Variants in CDON observed in about 807,000 individuals in gnomAD.
CDON encodes cell adhesion molecule-related/down-regulated by oncogenes.
In CDON, 73 loss-of-function variants were observed where a neutral mutation model predicts 120.9. The observed-to-expected ratio is 0.60, with a 90% CI of 0.50 to 0.73. The LOEUF is 0.73. CDON is among the 30% of genes least tolerant of loss of function. The probability of loss-of-function intolerance (pLI) is 0.00; values close to 1 mark genes in which losing one functional copy is unlikely to be tolerated. For synonymous variants in CDON, 566 were observed against 573.5 expected (o/e 0.99, Z 0.19); for missense variants, 1,470 against 1,587.3 (o/e 0.93, Z 1.26).
Position 126,001,771 on chromosome 11 carries a change from A to G in CDON, c.2106T>C (p.Ala702=). 1 of 1,613,334 alleles carries G rather than the reference A, an allele frequency of 6.2e-7. No individual in the cohort carries two copies. Among genetic ancestry groups the G allele is most frequent in the Non-Finnish European group, 8.5e-7 (1 of 1,179,280 alleles). ...GTACCACTCCAAAATTGTTGTTTGC[A>G]GCCTCTGAAACAACGGGATACTTAG... is the stretch of plus-strand genomic sequence containing the variant. ...GIPKYPVVSE[A]ANNNFGVVLT... is the part of the protein sequence containing the mutation. The change falls in exon 11 of 20, where the codon GCT becomes GCC. Residue 702 remains alanine, a synonymous_variant. Coordinates refer to ENST00000531738, the MANE Select transcript of CDON (RefSeq NM_001378964.1).
In CDON at chr11:125,981,281, T is replaced by C; in HGVS notation, c.3044A>G (p.Gln1015Arg). The change falls in exon 17 of 20, where the codon CAG (glutamine) becomes CGG (arginine). Residue 1015 changes from glutamine to arginine, a missense_variant. Gln to Arg is a conservative substitution (Grantham distance 43, BLOSUM62 1). Coordinates refer to ENST00000531738, the MANE Select transcript of CDON (RefSeq NM_001378964.1). Reference sequence around the variant, plus strand: ...TGAGAGAGTGGTGTAGTCCACCATCTGCCCGTTCATATCTGATCCTTGGTA... The same window carrying C: ...TGAGAGAGTGGTGTAGTCCACCATCCGCCCGTTCATATCTGATCCTTGGTA... ...YLYQGSDMNG[Q>R]MVDYTTLSGA... is the part of the protein sequence containing the mutation. The C allele has an allele frequency of 6.2e-7, 1 of 1,614,158 alleles. No homozygotes were observed.
intron 18 of CDON, among the ~76,000 whole-genome samples, chr11:125,977,510 C>T (rs1946180355): frequency 1.3e-5 from 2 of 152,150 alleles, no homozygotes; most frequent in Admixed American, 1.3e-4. Flanking sequence ...TATGTACTAA[C>T]TATGACATAA....
chr11:125,995,476 G>A (rs574503363), intron 12 of CDON, among the ~76,000 whole-genome samples: 24 of 152,292 alleles, frequency 1.6e-4, no homozygotes, highest in Admixed American at 9.8e-4. Flanking sequence ...ACTGAAGCAC[G>A]GTTTAATACG....
At chr11:125,996,013 A>C (rs2134532525) in intron 12 of CDON, among the ~76,000 whole-genome samples, 1 of 152,336 alleles carries the variant, frequency 6.6e-6, no homozygotes, top group African/African-American at 2.4e-5. Context: ...CTCTGCTGAA[A>C]CAAAACTTAA....
chr11:126,061,253 T>C (rs1948787581), intron 1 of CDON, among the ~76,000 whole-genome samples: 1 of 152,214 alleles, frequency 6.6e-6, no homozygotes, highest in Non-Finnish European at 1.5e-5. Flanking sequence ...ATCCTTCTCA[T>C]ATAACTTCAA....
chr11:125,984,924 C>T (rs1393099733), intron 15 of CDON, among the ~76,000 whole-genome samples: 2 of 152,110 alleles, frequency 1.3e-5, no homozygotes, highest in South Asian at 2.1e-4. Flanking sequence ...CTTTGGAGCC[C>T]GTGTAGGTGC....
At chr11:125,971,378 G>C (rs2134388625) in intron 18 of CDON, among the ~76,000 whole-genome samples, 1 of 88,006 alleles carries the variant, frequency 1.1e-5, no homozygotes, top group African/African-American at 3.7e-5. Flanking sequence ...GCGAGACTCT[G>C]TCTCTAAATA....
At chr11:125,976,866 G>A (rs527619686) in intron 18 of CDON, among the ~76,000 whole-genome samples, 5 of 152,244 alleles carry the variant, frequency 3.3e-5, no homozygotes, top group South Asian at 2.1e-4. Flanking sequence ...GAAACATTAC[G>A]TTACTTTCGC....
At position 126,005,318 on chromosome 11, in the gene CDON, AC is replaced by A. The variant is rs1565521359; in HGVS notation, c.1851+440del. On this transcript the variant is annotated intron_variant, in intron 9 of 19. Coordinates refer to ENST00000531738, the MANE Select transcript of CDON (RefSeq NM_001378964.1). ...CCCTGTCTCAAAAAAAAAAAAAAAA[AC>A]AAACAAACAAACAAAAAAAAACTTG... The A allele has an allele frequency of 4.3e-4, 11 of 25,462 alleles. 1 individual carries two copies. The highest frequency in any genetic ancestry group is 2.9e-3 in the South Asian group (4 of 1,364). 1.6% of individuals were successfully genotyped at this position (25,462 alleles called of 1,614,324 possible).
intron 19 of CDON, among the ~76,000 whole-genome samples, chr11:125,961,443 G>C (rs1945640278): frequency 6.6e-6 from 1 of 152,126 alleles, no homozygotes; most frequent in South Asian, 2.1e-4. Context: ...CAAGTCTTCT[G>C]CTACCCTACG....
At position 125,959,113 on chromosome 11, in the gene CDON, A is replaced by G. The variant is rs1945570174; in HGVS notation, c.*1829T>C. 1 of 152,212 alleles carries G rather than the reference A, an allele frequency of 6.6e-6. No individual in the cohort carries two copies. The highest frequency in any genetic ancestry group is 6.6e-5 in the Admixed American group (1 of 15,264). The allele number at this position is 152,212 out of a possible 1,614,324, so 9.4% of individuals were successfully genotyped here. ...AATATCCGACTAGGGAATTACATTC[A>G]CTACATTCTACTGGAAGTAACTCTT... is the stretch of plus-strand genomic sequence containing the variant. On this transcript the variant is annotated 3_prime_UTR_variant, in exon 20 of 20. Coordinates refer to ENST00000531738, the MANE Select transcript of CDON (RefSeq NM_001378964.1).
intron 16 of CDON, among the ~76,000 whole-genome samples, chr11:125,982,597 T>C (rs1946345434): frequency 6.6e-6 from 1 of 152,164 alleles, no homozygotes; most frequent in East Asian, 1.9e-4. Context: ...TATTTACCAT[T>C]ACATCTCCAC....
intron 1 of CDON, among the ~76,000 whole-genome samples, chr11:126,049,916 TACATATAATTGG>T (rs1300387656): frequency 2.0e-5 from 3 of 152,196 alleles, no homozygotes; most frequent in Admixed American, 2.0e-4. Flanking sequence ...TTAACTTCTT[TACATATAATTGG>T]AAAGGGCTTT....
In CDON at chr11:126,021,313, T is replaced by TAGTAACCCAAAAGA. The variant is rs1283388935; in HGVS notation, c.270_283dup (p.Tyr95PhefsTer18). On this transcript the variant is annotated frameshift_variant, in exon 3 of 20. Transcript: ENST00000531738. LOFTEE classifies it high-confidence loss of function. ...GATGCTATTGTTGGCAAGGCACTGGTAGTAACCCAAAAGAGAGGAGTTGAG... is the reference window on the plus strand; with the variant it reads ...GATGCTATTGTTGGCAAGGCACTGGTAGTAACCCAAAAGAAGTAACCCAAAAGAGAGGAGTTGAG... 11 of 1,613,984 alleles carry TAGTAACCCAAAAGA rather than the reference T, an allele frequency of 6.8e-6. No individual in the cohort carries two copies. Among genetic ancestry groups the TAGTAACCCAAAAGA allele is most frequent in the Non-Finnish European group, 9.3e-6 (11 of 1,179,998 alleles).
At position 126,021,273 on chromosome 11, in the gene CDON, A is replaced by T; in HGVS notation, c.324T>A (p.Ser108Arg). Residue 108 changes from serine to arginine, a missense_variant, in exon 3 of 20, where the codon AGT (serine) becomes AGA (arginine). By Grantham distance (110) the Ser-to-Arg change is moderately radical (BLOSUM62 -1). Transcript: ENST00000531738. ...CTGCCACAGATACTGTCGCAGGGCC[A>T]CTCACAATGGCACCGATGCTATTGT... The part of the protein sequence containing the change: ...LANNSIGAIV[S>R]GPATVSVAVL... 1 of 1,614,118 alleles carries T rather than the reference A, an allele frequency of 6.2e-7. No individual in the cohort carries two copies. The highest frequency in any genetic ancestry group is 8.5e-7 in the Non-Finnish European group (1 of 1,179,998).
intron 16 of CDON, 48 bp from the exon 17 acceptor site, chr11:125,981,377 C>G (rs3824922): frequency 1.2e-5 from 19 of 1,570,500 alleles, no homozygotes; most frequent in South Asian, 2.2e-5. Context: ...CACACACGCA[C>G]GCACACATGC....
chr11:126,051,257 T>C (rs1457091405), intron 1 of CDON, among the ~76,000 whole-genome samples: 1 of 152,208 alleles, frequency 6.6e-6, no homozygotes, highest in Non-Finnish European at 1.5e-5. Flanking sequence ...TTATAGTTTC[T>C]ACTTTATAAG....
intron 10 of CDON, among the ~76,000 whole-genome samples, chr11:126,002,649 A>G (rs1946981872): frequency 6.6e-6 from 1 of 152,130 alleles, no homozygotes; most frequent in Non-Finnish European, 1.5e-5. Context: ...CTTCCCCAGC[A>G]CTGTCCTTGG....
At chr11:126,059,080 C>A (rs1208794422) in intron 1 of CDON, among the ~76,000 whole-genome samples, 2 of 152,184 alleles carry the variant, frequency 1.3e-5, no homozygotes, top group Non-Finnish European at 2.9e-5. Flanking sequence ...TTAAAACAAG[C>A]ATTTCATCAC....
Sources: allele counts gnomAD v4.1 joint callset (sites outside exome capture counted in the v4.1 genomes callset), GRCh38; gene constraint gnomAD v4.1.1; transcripts MANE v1.5; gene names NCBI Gene and HGNC (gene_info 2026-07-23, HGNC 2026-07-21).